GMCL1: variants seen among roughly 807,000 people sequenced by gnomAD.
GMCL1 encodes the protein germ cell-less 1, spermatogenesis associated.
Under a neutral mutation model 75.5 loss-of-function variants are expected in GMCL1, and 54 were observed. The ratio of observed to expected loss-of-function variants is 0.71; its 90% CI spans 0.57 to 0.90. The LOEUF (loss-of-function observed/expected upper bound fraction) is 0.90, where lower values mean the gene tolerates loss of function less well. Among genes scored for constraint, GMCL1 ranks in the 40% least tolerant of loss-of-function variants. The pLI is 0.00. For synonymous variants in GMCL1, 210 were observed against 209.6 expected (o/e 1.00, Z -0.02); for missense variants, 537 against 622.7 (o/e 0.86, Z 1.47).
intron 8 of GMCL1, among the ~76,000 whole-genome samples, chr2:69,850,655 A>G (rs1264475830): frequency 6.6e-6 from 1 of 152,188 alleles, no homozygotes; most frequent in Non-Finnish European, 1.5e-5. Context: ...TTATTGCACC[A>G]TGTATATACG....
rs944274259 is a variant in GMCL1, at chr2:69,871,939, A to G, written c.1452+107A>G. ...ATTAAAGTGATGGCATTTTGACCTAAAAGTTGGTTTAAAAGTCTTTTGAAG... is the reference window on the plus strand; with the variant it reads ...ATTAAAGTGATGGCATTTTGACCTAGAAGTTGGTTTAAAAGTCTTTTGAAG... On this transcript the variant is annotated intron_variant, in intron 13 of 13. Coordinates refer to ENST00000282570, the MANE Select transcript of GMCL1 (RefSeq NM_178439.5). 17 of 729,386 alleles carry G rather than the reference A, an allele frequency of 2.3e-5. 1 individual carries two copies. In the Middle Eastern group the frequency reaches 1.3e-3, roughly 58 times the overall value. The allele number at this position is 729,386 out of a possible 1,614,324, so 45.2% of individuals were successfully genotyped here.
chr2:69,875,373 T>A (rs540834016), intron 13 of GMCL1, among the ~76,000 whole-genome samples: 51 of 152,340 alleles, frequency 3.3e-4, no homozygotes, highest in African/African-American at 1.2e-3. Flanking sequence ...AGGCTAACTT[T>A]AAAATGCATT....
intron 12 of GMCL1, 139 bp from the exon 13 acceptor site, chr2:69,871,606 T>A: frequency 1.8e-6 from 1 of 551,560 alleles, no homozygotes; most frequent in Non-Finnish European, 3.2e-6. Context: ...GCAGTCAGAT[T>A]ACAGTTTGAA....
chr2:69,848,365 G>T lies in GMCL1; in HGVS notation c.843+738G>T, dbSNP rs578130531. On this transcript the variant is annotated intron_variant, in intron 7 of 13. Coordinates refer to ENST00000282570, the MANE Select transcript of GMCL1 (RefSeq NM_178439.5). ...ATGGTAGAGGTGAAATTTTGTTACT[G>T]TTTTTCTTCAAGGAACTTTACTATC... Among the ~76,000 whole-genome samples the T allele has an allele frequency of 8.5e-5, 13 of 152,328 alleles. No homozygotes were observed. In the East Asian group the frequency reaches 1.3e-3, roughly 16 times the overall value.
intron 12 of GMCL1, 39 bp from the exon 13 acceptor site, chr2:69,871,706 A>C (rs748745789): frequency 8.9e-7 from 1 of 1,127,500 alleles, no homozygotes; most frequent in Admixed American, 2.2e-5. Flanking sequence ...TGTGGTTTAA[A>C]AATCTTGTGT....
intron 9 of GMCL1, among the ~76,000 whole-genome samples, chr2:69,858,486 T>G (rs1031790434): frequency 6.6e-6 from 1 of 152,252 alleles, no homozygotes; most frequent in African/African-American, 2.4e-5. Context: ...TCTGGCAAAC[T>G]CTTCCTAGTG....
At position 69,861,304 on chromosome 2, in the gene GMCL1, C is replaced by T; in HGVS notation, c.1099C>T (p.Gln367Ter). 1 of 1,608,892 alleles carries T rather than the reference C, an allele frequency of 6.2e-7. No individual in the cohort carries two copies. Among genetic ancestry groups the T allele is most frequent in the Non-Finnish European group, 8.5e-7 (1 of 1,176,158 alleles). ...SEWLSSVYKQ[Q>*]WFAMLRAEQD... Reference sequence around the variant, plus strand: ...ATGGCTCTCTTCTGTGTATAAACAGCAGTGGTTTGCTATGCTGCGGGCAGA... The same window carrying T: ...ATGGCTCTCTTCTGTGTATAAACAGTAGTGGTTTGCTATGCTGCGGGCAGA... The change falls in exon 10 of 14, where the codon CAG becomes TAG. Residue 367 changes from glutamine to a stop codon, truncating the protein, a stop_gained. Transcript: ENST00000282570. LOFTEE classifies it high-confidence loss of function.
At chr2:69,878,494 A>T (rs2104081701) in intron 13 of GMCL1, among the ~76,000 whole-genome samples, 1 of 152,328 alleles carries the variant, frequency 6.6e-6, no homozygotes, top group South Asian at 2.1e-4. Flanking sequence ...TTTAAAAATA[A>T]TTAATTAATT....
chr2:69,869,950 T>A, intron 12 of GMCL1, 86 bp downstream of exon 12: 1 of 1,370,758 alleles, frequency 7.3e-7, no homozygotes, highest in Non-Finnish European at 1.0e-6. Flanking sequence ...CCAACATTAG[T>A]AGAACTTTGG....
At chr2:69,836,380 A>C (rs993669964) in intron 1 of GMCL1, among the ~76,000 whole-genome samples, 1 of 152,160 alleles carries the variant, frequency 6.6e-6, no homozygotes, top group African/African-American at 2.4e-5. Context: ...GGAAGCCAAC[A>C]TGTGTACATT....
At chr2:69,858,218 T>C (rs1335414064) in intron 9 of GMCL1, among the ~76,000 whole-genome samples, 3 of 152,152 alleles carry the variant, frequency 2.0e-5, no homozygotes, top group Non-Finnish European at 2.9e-5. Context: ...TCTTGCCATG[T>C]TACCCAGGCT....
At chr2:69,847,472 C>T in intron 6 of GMCL1, 71 bp from the exon 7 acceptor site, 2 of 941,068 alleles carry the variant, frequency 2.1e-6, no homozygotes, top group Non-Finnish European at 3.4e-6. Context: ...AGACTTAAAG[C>T]TTTTATTTCT....
chr2:69,859,144 C>CAAAAAAAA (rs571712437), intron 9 of GMCL1, among the ~76,000 whole-genome samples: 1 of 62,662 alleles, frequency 1.6e-5, no homozygotes. Context: ...GACTCTGTCT[C>CAAAAAAAA]AAAAAAAAAA....
intron 1 of GMCL1, among the ~76,000 whole-genome samples, chr2:69,830,837 A>T (rs1558534359): frequency 6.6e-6 from 1 of 151,710 alleles, no homozygotes; most frequent in Non-Finnish European, 1.5e-5. Context: ...TATAGGTAGA[A>T]TATATGCTTA....
At chr2:69,832,543 G>T (rs1674704519) in intron 1 of GMCL1, among the ~76,000 whole-genome samples, 1 of 152,184 alleles carries the variant, frequency 6.6e-6, no homozygotes, top group Admixed American at 6.5e-5. Flanking sequence ...ACAAGTAGTG[G>T]TGAAGTCTGG....
At position 69,864,975 on chromosome 2, in the gene GMCL1, A is replaced by G. The variant is rs1036278901; in HGVS notation, c.1218A>G (p.Glu406=). The G allele has an allele frequency of 6.2e-7, 1 of 1,608,088 alleles. No individual in the cohort carries two copies. Among genetic ancestry groups the G allele is most frequent in the Non-Finnish European group, 8.5e-7 (1 of 1,174,574 alleles). The change falls in exon 11 of 14, where the codon GAA becomes GAG. Residue 406 remains glutamate (E), a splice_region_variant and synonymous_variant. Transcript: ENST00000282570. ...GTAGAAAGCTTGCCAAAGATGGTGA[A>G]GTAAGTATGGGTTGTGACTGTTAAT... ...RCGRKLAKDG[E]YCWRWTGFNF...
chr2:69,832,342 CAAAT>C (rs1275254234), intron 1 of GMCL1, among the ~76,000 whole-genome samples: 1 of 152,106 alleles, frequency 6.6e-6, no homozygotes, highest in Non-Finnish European at 1.5e-5. Flanking sequence ...TGAGAACAAA[CAAAT>C]GCACAATGTC....
chr2:69,842,141 G>A (rs1675006948), intron 4 of GMCL1, among the ~76,000 whole-genome samples: 1 of 152,178 alleles, frequency 6.6e-6, no homozygotes, highest in Admixed American at 6.5e-5. Context: ...TCCAAGGGAG[G>A]AAAGTAGGGT....
chr2:69,830,176 C>G (rs1328350592), intron 1 of GMCL1, 24 bp downstream of exon 1: 4 of 1,543,878 alleles, frequency 2.6e-6, no homozygotes, highest in Non-Finnish European at 3.5e-6. Context: ...CGCACCCGCG[C>G]GGACCCGGAC....
Sources: gnomAD v4.1 joint callset for allele counts (sites outside exome capture counted in the v4.1 genomes callset) on GRCh38, gnomAD v4.1.1 for gene constraint, MANE v1.5 for transcripts, NCBI Gene and HGNC (gene_info 2026-07-23, HGNC 2026-07-21) for gene names.